The following TENM1 variants were observed in gnomAD, a reference collection of about 807,000 sequenced individuals.
The protein encoded by TENM1 is teneurin-1.
A neutral mutation model predicts 174.8 loss-of-function variants in TENM1; 35 were observed. The ratio of observed to expected loss-of-function variants is 0.20; its 90% CI spans 0.15 to 0.27. The LOEUF is 0.27. Among genes scored for constraint, TENM1 ranks in the 10% least tolerant of loss-of-function variants. TENM1 has a pLI of 1.00. For missense variants in TENM1, 1,633 were observed against 2,130.1 expected (o/e 0.77, Z 4.59); for synonymous variants, 781 against 798.7 (o/e 0.98, Z 0.37).
At chrX:124,656,428 C>T (rs16999353) in intron 6 of TENM1, among the ~76,000 whole-genome samples, 1,356 of 112,409 alleles carry the variant, frequency 0.012, 13 homozygotes, top group African/African-American at 0.042. Context: ...AAGTTGATCT[C>T]ATCCCTTGAA....
chrX:124,708,250 A>T (rs2052958191), intron 4 of TENM1, among the ~76,000 whole-genome samples: 1 of 111,720 alleles, frequency 9.0e-6, no homozygotes, highest in African/African-American at 3.3e-5. Context: ...ATTTAAAGGG[A>T]TTAAAAAAAC....
intron 18 of TENM1, among the ~76,000 whole-genome samples, chrX:124,513,640 C>G (rs2047633717): frequency 8.9e-6 from 1 of 111,939 alleles, no homozygotes; most frequent in Non-Finnish European, 1.9e-5. Context: ...CTATTTCCTC[C>G]CATATCAGTT....
At chrX:124,779,215 T>G (rs755508414) in intron 3 of TENM1, among the ~76,000 whole-genome samples, 18 of 112,120 alleles carry the variant, frequency 1.6e-4, no homozygotes, top group Non-Finnish European at 3.0e-4. Context: ...ATAGCCTACC[T>G]CTTTGACAAT....
chrX:124,530,045 T>A (rs1432099908), intron 15 of TENM1, 62 bp from the exon 19 acceptor site: 95 of 1,140,340 alleles, frequency 8.3e-5, no homozygotes, highest in Non-Finnish European at 1.1e-4. Flanking sequence ...AGAAGTCAAG[T>A]TGTAGAAACT....
intron 11 of TENM1, among the ~76,000 whole-genome samples, chrX:124,614,713 T>C (rs190852461): frequency 7.8e-4 from 87 of 112,200 alleles, no homozygotes; most frequent in African/African-American, 2.6e-3. Flanking sequence ...TGAAACCCTG[T>C]CTCTACTAAA....
chrX:125,125,342 A>T, the TENM1 span, among the ~76,000 whole-genome samples: 1 of 112,245 alleles, frequency 8.9e-6, no homozygotes, highest in East Asian at 2.8e-4. Flanking sequence ...TATGATTTTT[A>T]AAAATTACTA....
At chrX:124,805,233 GAGA>G (rs2147248535) in intron 3 of TENM1, among the ~76,000 whole-genome samples, 1 of 112,281 alleles carries the variant, frequency 8.9e-6, no homozygotes, top group South Asian at 3.8e-4. Flanking sequence ...CAGATAAGGT[GAGA>G]AGAATAACAT....
chrX:124,910,308 T>G (rs1379772496), intron 1 of TENM1, among the ~76,000 whole-genome samples: 1 of 112,329 alleles, frequency 8.9e-6, no homozygotes, highest in Non-Finnish European at 1.9e-5. Flanking sequence ...CCCAAACACT[T>G]AATCTGAACA....
At chrX:124,833,609 TCTC>T (rs1403102381) in intron 3 of TENM1, among the ~76,000 whole-genome samples, 6 of 111,477 alleles carry the variant, frequency 5.4e-5, no homozygotes, top group Non-Finnish European at 1.1e-4. Context: ...AGTCACAGCT[TCTC>T]CTCCTATTTC....
intron 11 of TENM1, among the ~76,000 whole-genome samples, chrX:124,586,850 C>G (rs1178108490): frequency 9.2e-6 from 1 of 108,464 alleles, no homozygotes; most frequent in Non-Finnish European, 1.9e-5. Flanking sequence ...TCTCAGGATA[C>G]AAAATCCATG....
At chrX:125,059,795 A>G in the TENM1 span, among the ~76,000 whole-genome samples, 1 of 111,785 alleles carries the variant, frequency 8.9e-6, no homozygotes, top group East Asian at 2.8e-4. Context: ...CTGAAAAAGA[A>G]TGAGATATTG....
chrX:125,015,886 T>C, the TENM1 span, among the ~76,000 whole-genome samples: 1 of 111,648 alleles, frequency 9.0e-6, no homozygotes, highest in Non-Finnish European at 1.9e-5. Context: ...TAAAAAGTTA[T>C]ACTGGTTACT....
rs189636637 is a variant in TENM1, at chrX:124,870,612, T to G, written c.535+23684A>C. ...AGGAAGAAGATTCCAAGTAGAGGAG[T>G]CAGCCACAGTGAAGTACCTAAGGCA... On this transcript the variant is annotated intron_variant, in intron 3 of 31. Coordinates refer to ENST00000422452, the Ensembl canonical transcript of TENM1. Among the ~76,000 whole-genome samples the G allele has an allele frequency of 1.5e-3, 166 of 109,287 alleles. 3 individuals are homozygous for G. In the Middle Eastern group the frequency reaches 0.019, roughly 12 times the overall value. 94.9% of individuals were successfully genotyped at this position (109,287 alleles called of 115,157 possible). A position where few individuals can be genotyped will look rare whatever the true frequency, so the allele number is the denominator to read the frequency against.
chrX:124,467,986 T>C (rs767181599), intron 22 of TENM1, among the ~76,000 whole-genome samples: 1 of 110,459 alleles, frequency 9.1e-6, no homozygotes, highest in East Asian at 2.9e-4. Flanking sequence ...CTCGAACTCC[T>C]GACCTCAAGT....
At chrX:125,083,535 CAT>C in the TENM1 span, among the ~76,000 whole-genome samples, 12 of 110,521 alleles carry the variant, frequency 1.1e-4, no homozygotes, top group East Asian at 5.7e-4. Flanking sequence ...CATACACACA[CAT>C]ATGTTACTGT....
At chrX:124,549,496 G>C (rs2048509483) in intron 14 of TENM1, among the ~76,000 whole-genome samples, 1 of 110,617 alleles carries the variant, frequency 9.0e-6, no homozygotes, top group African/African-American at 3.3e-5. Flanking sequence ...AAAATAAATA[G>C]ATTTTAAATA....
chrX:125,011,829 A>G, the TENM1 span, among the ~76,000 whole-genome samples: 1 of 111,559 alleles, frequency 9.0e-6, no homozygotes. Context: ...CAGCAATCCA[A>G]TTACTGGGTA....
At chrX:124,410,051 C>A (rs1393821297) in intron 25 of TENM1, among the ~76,000 whole-genome samples, 1 of 109,924 alleles carries the variant, frequency 9.1e-6, no homozygotes, top group Non-Finnish European at 1.9e-5. Context: ...AAAAAGAGCC[C>A]ACATCGCCAA....
the TENM1 span, among the ~76,000 whole-genome samples, chrX:125,195,888 A>G: frequency 9.1e-6 from 1 of 110,464 alleles, no homozygotes; most frequent in African/African-American, 3.3e-5. Flanking sequence ...ATCGCTCCCA[A>G]TATTTTAGTG....
Sources: allele counts gnomAD v4.1 joint callset (sites outside exome capture counted in the v4.1 genomes callset), GRCh38; gene constraint gnomAD v4.1.1; transcripts MANE v1.5; gene names NCBI Gene and HGNC (gene_info 2026-07-23, HGNC 2026-07-21).